ARHGAP10: variants seen among roughly 807,000 people sequenced by gnomAD.
The protein encoded by ARHGAP10 is rho GTPase-activating protein 10.
In ARHGAP10, 87 loss-of-function variants were observed where a neutral mutation model predicts 108.6. The observed-to-expected ratio is 0.80, with a 90% CI of 0.67 to 0.96. The LOEUF (loss-of-function observed/expected upper bound fraction) is 0.96, where lower values mean the gene tolerates loss of function less well. Ranked by LOEUF, ARHGAP10 falls within the 40% of genes least tolerant of loss-of-function variation. ARHGAP10 has a pLI of 0.00. For missense variants in ARHGAP10, 939 were observed against 954.5 expected (o/e 0.98, Z 0.21); for synonymous variants, 347 against 341.1 (o/e 1.02, Z -0.19).
chr4:147,841,201 C>T (rs1733400787), intron 3 of ARHGAP10, among the ~76,000 whole-genome samples: 1 of 152,244 alleles, frequency 6.6e-6, no homozygotes, highest in Non-Finnish European at 1.5e-5. Context: ...CTGATTATTT[C>T]ATGTTCAAGA....
At chr4:147,851,686 T>A (rs1230631256) in intron 4 of ARHGAP10, among the ~76,000 whole-genome samples, 1 of 152,230 alleles carries the variant, frequency 6.6e-6, no homozygotes, top group Non-Finnish European at 1.5e-5. Context: ...AACACACTAG[T>A]GCCTATCATA....
intron 10 of ARHGAP10, 104 bp from the exon 11 acceptor site, chr4:147,906,534 C>T (rs1018005278): frequency 1.6e-5 from 16 of 1,028,632 alleles, no homozygotes; most frequent in South Asian, 6.2e-5. Context: ...TGTATTTTAC[C>T]ACAGATAAAA....
At chr4:147,871,120 C>G (rs560823202) in intron 7 of ARHGAP10, among the ~76,000 whole-genome samples, 2 of 151,966 alleles carry the variant, frequency 1.3e-5, no homozygotes, top group Non-Finnish European at 2.9e-5. Context: ...CCACCGTGCC[C>G]GGCTAATTTT....
chr4:147,803,813 A>G (rs1731672113), intron 1 of ARHGAP10, among the ~76,000 whole-genome samples: 1 of 152,106 alleles, frequency 6.6e-6, no homozygotes, highest in Non-Finnish European at 1.5e-5. Context: ...TCTATAGACC[A>G]TGTTTTCTTT....
chr4:147,981,917 T>G, intron 18 of ARHGAP10, among the ~76,000 whole-genome samples: 1 of 152,226 alleles, frequency 6.6e-6, no homozygotes, highest in East Asian at 1.9e-4. Flanking sequence ...GTGTGGTAGA[T>G]TTTCCTCCAT....
chr4:147,975,531 G>C (rs957538376), intron 18 of ARHGAP10, among the ~76,000 whole-genome samples: 1 of 152,218 alleles, frequency 6.6e-6, no homozygotes, highest in African/African-American at 2.4e-5. Flanking sequence ...AGCTGCATCT[G>C]CCAAGGGCCT....
chr4:147,946,775 G>A (rs1226597434), intron 15 of ARHGAP10, 71 bp downstream of exon 15: 2 of 1,189,290 alleles, frequency 1.7e-6, no homozygotes, highest in Admixed American at 2.7e-5. Context: ...GATGCCAATT[G>A]TGTACATAAA....
intron 3 of ARHGAP10, among the ~76,000 whole-genome samples, chr4:147,835,798 A>G (rs1156676723): frequency 6.6e-6 from 1 of 152,280 alleles, no homozygotes; most frequent in African/African-American, 2.4e-5. Flanking sequence ...AAACAAAAAA[A>G]AAATTCAAAA....
At chr4:147,770,431 A>C (rs766328887) in intron 1 of ARHGAP10, among the ~76,000 whole-genome samples, 13 of 152,192 alleles carry the variant, frequency 8.5e-5, no homozygotes, top group Non-Finnish European at 1.8e-4. Context: ...AGGCTGAGGC[A>C]TGAGAATTGC....
chr4:147,817,173 A>G (rs1732284289), intron 1 of ARHGAP10, among the ~76,000 whole-genome samples: 1 of 152,232 alleles, frequency 6.6e-6, no homozygotes, highest in South Asian at 2.1e-4. Context: ...GCCCAGGATT[A>G]TAGAACATGC....
intron 10 of ARHGAP10, among the ~76,000 whole-genome samples, chr4:147,903,260 A>AGCTTAG (rs1736324089): frequency 6.6e-6 from 1 of 152,160 alleles, no homozygotes; most frequent in African/African-American, 2.4e-5. Context: ...GCACCTTCTC[A>AGCTTAG]GCTTAGGGGA....
intron 10 of ARHGAP10, among the ~76,000 whole-genome samples, chr4:147,898,974 A>T (rs566601236): frequency 6.6e-6 from 1 of 152,176 alleles, no homozygotes; most frequent in African/African-American, 2.4e-5. Flanking sequence ...CTTTCTCGAC[A>T]TGTGGGGATT....
At chr4:147,930,559 A>G (rs1044993433) in intron 13 of ARHGAP10, among the ~76,000 whole-genome samples, 1 of 152,256 alleles carries the variant, frequency 6.6e-6, no homozygotes, top group South Asian at 2.1e-4. Context: ...CTGTGTCTTC[A>G]CTTGATTCCA....
At chr4:147,750,289 G>A (rs904166988) in intron 1 of ARHGAP10, among the ~76,000 whole-genome samples, 2 of 152,142 alleles carry the variant, frequency 1.3e-5, no homozygotes, top group African/African-American at 4.8e-5. Context: ...AGGTGTTGGA[G>A]GGTCACCTAG....
intron 18 of ARHGAP10, among the ~76,000 whole-genome samples, chr4:147,993,605 T>A (rs962083582): frequency 6.6e-6 from 1 of 152,222 alleles, no homozygotes; most frequent in African/African-American, 2.4e-5. Context: ...CCCAGTAGCA[T>A]GGTCTGGAGA....
intron 19 of ARHGAP10, among the ~76,000 whole-genome samples, chr4:148,034,327 T>G (rs1728277781): frequency 6.6e-6 from 1 of 152,152 alleles, no homozygotes; most frequent in South Asian, 2.1e-4. Flanking sequence ...AATTACTTAT[T>G]TATTTTTTTG....
intron 22 of ARHGAP10, among the ~76,000 whole-genome samples, chr4:148,069,272 C>T (rs1730045780): frequency 6.6e-6 from 1 of 152,104 alleles, no homozygotes; most frequent in Non-Finnish European, 1.5e-5. Flanking sequence ...CCTTGTAGCC[C>T]ACCTCGCCCA....
chr4:147,959,319 G>T (rs1738903747), intron 16 of ARHGAP10, among the ~76,000 whole-genome samples: 1 of 151,910 alleles, frequency 6.6e-6, no homozygotes, highest in Admixed American at 6.6e-5. Flanking sequence ...TGGGCTAGCA[G>T]GAGAGAGACT....
chr4:147,828,281 G>C (rs1732805995), intron 3 of ARHGAP10, among the ~76,000 whole-genome samples: 1 of 152,134 alleles, frequency 6.6e-6, no homozygotes, highest in Non-Finnish European at 1.5e-5. Context: ...AATGTTTTCT[G>C]AATCTTAAGG....
Sources: allele counts gnomAD v4.1 joint callset (sites outside exome capture counted in the v4.1 genomes callset), GRCh38; gene constraint gnomAD v4.1.1; transcripts MANE v1.5; gene names NCBI Gene and HGNC (gene_info 2026-07-23, HGNC 2026-07-21).